PARD3B: variants seen among roughly 807,000 people sequenced by gnomAD.
The protein encoded by PARD3B is par-3 family cell polarity regulator beta.
In PARD3B, 103 loss-of-function variants were observed where a neutral mutation model predicts 130.2. The ratio of observed to expected loss-of-function variants is 0.79; its 90% CI spans 0.67 to 0.93. PARD3B has a LOEUF of 0.93. Among genes scored for constraint, PARD3B ranks in the 40% least tolerant of loss-of-function variants. PARD3B has a pLI of 0.00. For synonymous variants in PARD3B, 583 were observed against 553.2 expected (o/e 1.05, Z -0.76); for missense variants, 1,609 against 1,499.2 (o/e 1.07, Z -1.21).
At chr2:205,171,487 G>A (rs2035170053) in intron 11 of PARD3B, among the ~76,000 whole-genome samples, 2 of 152,174 alleles carry the variant, frequency 1.3e-5, no homozygotes, top group South Asian at 4.1e-4. Context: ...TTCATATGCC[G>A]AGGTTCTTTG....
chr2:205,614,011 TTC>T (rs2055330681), intron 22 of PARD3B, among the ~76,000 whole-genome samples: 1 of 152,218 alleles, frequency 6.6e-6, no homozygotes, highest in Admixed American at 6.5e-5. Flanking sequence ...GTTGTTGTTT[TTC>T]TTTTTTAAAA....
rs922950970 is a variant in PARD3B, at chr2:205,458,107, A to G, written c.3044+17435A>G. Among the ~76,000 whole-genome samples the G allele has an allele frequency of 1.3e-5, 2 of 152,022 alleles. No individual in the cohort carries two copies. The highest frequency in any genetic ancestry group is 2.9e-5 in the Non-Finnish European group (2 of 67,994). Reference sequence around the variant, plus strand: ...CTTGGTTTTCAGCAGTTTTACTGTGATGTGTCTGTGAGCGTGTGTTGGCAG... The same window carrying G: ...CTTGGTTTTCAGCAGTTTTACTGTGGTGTGTCTGTGAGCGTGTGTTGGCAG... On this transcript the variant is annotated intron_variant, in intron 20 of 22. Transcript: ENST00000406610. The surrounding 1 kb of genome is among the most constrained non-coding windows in gnomAD (Gnocchi z 4.8).
chr2:204,753,395 A>G (rs184211255), intron 2 of PARD3B, among the ~76,000 whole-genome samples: 22 of 152,264 alleles, frequency 1.4e-4, no homozygotes, highest in Middle Eastern at 3.4e-3. Context: ...AAGACTCTTA[A>G]AGTTCTTTGA....
chr2:205,185,793 G>A lies in PARD3B; in HGVS notation c.1954G>A (p.Glu652Lys), dbSNP rs748203618. Residue 652 changes from glutamate to lysine, a missense_variant, in exon 14 of 23, where the codon GAG becomes AAG. Transcript: ENST00000406610. ...GLLLPNDGWA[E>K]SEVPPSPTPH... ...ATTGCTGCCCAATGACGGATGGGCC[G>A]AGAGTGAAGTTCCACCTTCTCCAAC... is the stretch of plus-strand genomic sequence containing the variant. 8.1e-6 allele frequency: 13 copies of A among 1,613,934 alleles called. No individual in the cohort carries two copies. The highest frequency in any genetic ancestry group is 7.7e-5 in the South Asian group (7 of 91,086).
At position 205,241,637 on chromosome 2, in the gene PARD3B, A is replaced by G. The variant is rs903082556; in HGVS notation, c.2141-4141A>G. Among the ~76,000 whole-genome samples, 5 of 152,178 alleles carry G rather than the reference A, an allele frequency of 3.3e-5. No individual in the cohort carries two copies. The highest frequency in any genetic ancestry group is 6.5e-5 in the Admixed American group (1 of 15,276). ...AAAAAATTCTGTCATCAGAACGAGA[A>G]CAAGAAACTTAGACTCTTGCTCCAT... On this transcript the variant is annotated intron_variant, in intron 15 of 22. Coordinates refer to ENST00000406610, the MANE Select transcript of PARD3B (RefSeq NM_001302769.2). This position sits in a 1 kb window ranked among gnomAD's most constrained non-coding sequence, Gnocchi z 4.2.
intron 3 of PARD3B, among the ~76,000 whole-genome samples, chr2:204,972,274 A>G (rs889704678): frequency 2.0e-5 from 3 of 152,144 alleles, no homozygotes. Context: ...ACTTCCTACC[A>G]TTTTGTTAAA....
chr2:204,680,511 T>C (rs1419871948), intron 1 of PARD3B, among the ~76,000 whole-genome samples: 1 of 152,054 alleles, frequency 6.6e-6, no homozygotes, highest in Non-Finnish European at 1.5e-5. Context: ...AAACCAACTT[T>C]GATTTTTATT....
At chr2:205,332,723 G>A (rs979843636) in intron 18 of PARD3B, among the ~76,000 whole-genome samples, 1 of 152,102 alleles carries the variant, frequency 6.6e-6, no homozygotes, top group African/African-American at 2.4e-5. Context: ...GTATGAGGAG[G>A]AGGGTGCAGA....
intron 22 of PARD3B, among the ~76,000 whole-genome samples, chr2:205,596,186 G>T (rs2106612787): frequency 6.6e-6 from 1 of 152,298 alleles, no homozygotes; most frequent in South Asian, 2.1e-4. Context: ...ACCATGTAAT[G>T]ATCAGCCAGA....
intron 3 of PARD3B, among the ~76,000 whole-genome samples, chr2:204,971,635 C>T (rs1402523155): frequency 6.6e-6 from 1 of 150,914 alleles, no homozygotes; most frequent in Admixed American, 6.6e-5. Flanking sequence ...TTTTTTCCCC[C>T]TCCATGAAGG....
intron 3 of PARD3B, among the ~76,000 whole-genome samples, chr2:205,026,110 C>G (rs1245613977): frequency 6.6e-6 from 1 of 152,152 alleles, no homozygotes; most frequent in African/African-American, 2.4e-5. Context: ...GCACAAGAGT[C>G]TCTCTGATGG....
chr2:204,994,020 CA>C (rs1223052879), intron 3 of PARD3B, among the ~76,000 whole-genome samples: 1 of 150,834 alleles, frequency 6.6e-6, no homozygotes, highest in East Asian at 2.0e-4. Context: ...TTGATCCTTT[CA>C]AAAAACCAGC....
intron 15 of PARD3B, among the ~76,000 whole-genome samples, chr2:205,242,900 T>C (rs1408853899): frequency 3.3e-5 from 5 of 152,122 alleles, no homozygotes; most frequent in Admixed American, 6.6e-5. Context: ...GGCGCAGTGG[T>C]TCACGCCTGT....
intron 22 of PARD3B, among the ~76,000 whole-genome samples, chr2:205,570,422 G>C (rs10184371): frequency 6.6e-6 from 1 of 152,054 alleles, no homozygotes; most frequent in Admixed American, 6.5e-5. Flanking sequence ...TATTTCATTC[G>C]TAAAAACTTA....
chr2:205,560,123 C>G (rs1413502706), intron 22 of PARD3B, among the ~76,000 whole-genome samples: 1 of 152,196 alleles, frequency 6.6e-6, no homozygotes, highest in African/African-American at 2.4e-5. Flanking sequence ...TTAACCCAAA[C>G]AGTCTGGCTG....
chr2:204,981,971 G>A (rs1266122630), intron 3 of PARD3B, among the ~76,000 whole-genome samples: 1 of 151,886 alleles, frequency 6.6e-6, no homozygotes, highest in African/African-American at 2.4e-5. Context: ...TCAAGACATT[G>A]TGTGTGTGTA....
chr2:205,215,981 C>A (rs1220463246), intron 15 of PARD3B, among the ~76,000 whole-genome samples: 3 of 151,938 alleles, frequency 2.0e-5, no homozygotes, highest in Non-Finnish European at 4.4e-5. Context: ...TTAAAAAAAG[C>A]AGAGTATACA....
chr2:205,595,237 C>A (rs1223646497), intron 22 of PARD3B, among the ~76,000 whole-genome samples: 1 of 152,200 alleles, frequency 6.6e-6, no homozygotes, highest in Non-Finnish European at 1.5e-5. Context: ...TGTGGGAGCA[C>A]CTGCCCACCA....
intron 21 of PARD3B, among the ~76,000 whole-genome samples, chr2:205,543,334 C>CAAAT (rs1267951341): frequency 6.6e-6 from 1 of 152,082 alleles, no homozygotes; most frequent in Non-Finnish European, 1.5e-5. Context: ...AGAATATATA[C>CAAAT]AAATATTAAT....
Sources: gnomAD v4.1 joint callset for allele counts (sites outside exome capture counted in the v4.1 genomes callset) on GRCh38, gnomAD v4.1.1 for gene constraint, Gnocchi (gnomAD v3.1) non-coding constraint, MANE v1.5 for transcripts, NCBI Gene and HGNC (gene_info 2026-07-23, HGNC 2026-07-21) for gene names.